Variants in HPSE2 observed in about 807,000 individuals in gnomAD.
The protein encoded by HPSE2 is heparanase 2 (inactive).
Under a neutral mutation model 60.5 loss-of-function variants are expected in HPSE2, and 38 were observed. The observed-to-expected ratio is 0.63, with a 90% CI of 0.48 to 0.82. The LOEUF is 0.82. Ranked by LOEUF, HPSE2 falls within the 40% of genes least tolerant of loss-of-function variation. The probability of loss-of-function intolerance (pLI) is 0.00; values close to 1 mark genes in which losing one functional copy is unlikely to be tolerated. For missense variants in HPSE2, 713 were observed against 740.4 expected (o/e 0.96, Z 0.43); for synonymous variants, 295 against 293.2 (o/e 1.01, Z -0.06).
At position 98,813,675 on chromosome 10, in the gene HPSE2, C is replaced by A. The variant is rs186718339; in HGVS notation, c.611-69619G>T. 2.0e-4 allele frequency among the ~76,000 whole-genome samples: 31 copies of A among 152,304 alleles called. No homozygotes were observed. In the East Asian group the frequency reaches 3.9e-3, roughly 19 times the overall value. ...AAATTACTATTTCTCCATAACTAAT[C>A]TTATTTGTTACTGTCAGCACTTAAA... On this transcript the variant is annotated intron_variant, in intron 3 of 11. Coordinates refer to ENST00000370552, the MANE Select transcript of HPSE2 (RefSeq NM_021828.5).
intron 3 of HPSE2, among the ~76,000 whole-genome samples, chr10:98,926,864 T>C (rs1954480603): frequency 6.6e-6 from 1 of 152,230 alleles, no homozygotes; most frequent in African/African-American, 2.4e-5. Context: ...CATTTCGTTA[T>C]GTACCCAGTA....
intron 9 of HPSE2, among the ~76,000 whole-genome samples, chr10:98,532,582 T>C (rs1357059377): frequency 6.6e-6 from 1 of 152,236 alleles, no homozygotes; most frequent in Non-Finnish European, 1.5e-5. Context: ...ATATTAGCTC[T>C]TGTAGCATAA....
chr10:99,298,709 T>C, the HPSE2 span, among the ~76,000 whole-genome samples: 8 of 150,530 alleles, frequency 5.3e-5, no homozygotes, highest in African/African-American at 2.0e-4. Flanking sequence ...GGAGTCTCGC[T>C]CTGTCGCCAG....
At position 98,572,103 on chromosome 10, in the gene HPSE2, G is replaced by C. The variant is rs914497373; in HGVS notation, c.1320+42801C>G. ...TTACAGGTGCCCACCACCACGCCCA[G>C]CTACTTTTTGTATTTTTAGTAGAGA... On this transcript the variant is annotated intron_variant, in intron 9 of 11. Coordinates refer to ENST00000370552, the MANE Select transcript of HPSE2 (RefSeq NM_021828.5). Among the ~76,000 whole-genome samples the C allele has an allele frequency of 6.6e-5, 10 of 152,088 alleles. No individual in the cohort carries two copies. In the South Asian group the frequency reaches 2.1e-3, roughly 32 times the overall value.
intron 3 of HPSE2, among the ~76,000 whole-genome samples, chr10:98,964,562 ACT>A (rs1293541211): frequency 6.6e-6 from 1 of 151,142 alleles, no homozygotes; most frequent in Non-Finnish European, 1.5e-5. Context: ...TAATCACTCT[ACT>A]CTCTATATTT....
At chr10:99,254,212 C>A in the HPSE2 span, among the ~76,000 whole-genome samples, 1 of 152,166 alleles carries the variant, frequency 6.6e-6, no homozygotes, top group East Asian at 1.9e-4. Flanking sequence ...TACAGATACA[C>A]CTCGGAATAC....
intron 3 of HPSE2, among the ~76,000 whole-genome samples, chr10:98,895,725 C>A (rs1953468021): frequency 6.6e-6 from 1 of 150,800 alleles, no homozygotes; most frequent in Non-Finnish European, 1.5e-5. Flanking sequence ...GAAAATGTGG[C>A]ACATATACAC....
intron 3 of HPSE2, among the ~76,000 whole-genome samples, chr10:99,092,573 A>G (rs191168983): frequency 2.0e-5 from 3 of 152,324 alleles, no homozygotes; most frequent in African/African-American, 7.2e-5. Flanking sequence ...CTACTTCAAA[A>G]TATCTGCAAG....
At chr10:98,792,374 C>A (rs1950674029) in intron 3 of HPSE2, among the ~76,000 whole-genome samples, 1 of 152,080 alleles carries the variant, frequency 6.6e-6, no homozygotes, top group South Asian at 2.1e-4. Flanking sequence ...TCTTCTCATT[C>A]AATTTCCTCA....
At chr10:99,087,450 C>T (rs868603630) in intron 3 of HPSE2, among the ~76,000 whole-genome samples, 2 of 152,176 alleles carry the variant, frequency 1.3e-5, no homozygotes, top group East Asian at 1.9e-4. Context: ...ATTCTGGGTG[C>T]GCATCTAAGG....
Position 99,202,576 on chromosome 10 carries a change from T to C in HPSE2, c.448+29772A>G, listed in dbSNP as rs539757826. On this transcript the variant is annotated intron_variant, in intron 2 of 11. Coordinates refer to ENST00000370552, the MANE Select transcript of HPSE2 (RefSeq NM_021828.5). ...TTTTATCACATGTACCCCCAAAATA[T>C]GTATATCTATTATGTATCAATTTAA... is the stretch of plus-strand genomic sequence containing the variant. Among the ~76,000 whole-genome samples, 13 of 152,262 alleles carry C rather than the reference T, an allele frequency of 8.5e-5. No homozygotes were observed. In the East Asian group the frequency reaches 2.5e-3, roughly 29 times the overall value.
intron 3 of HPSE2, among the ~76,000 whole-genome samples, chr10:98,983,944 G>A (rs1219634010): frequency 6.6e-6 from 1 of 152,224 alleles, no homozygotes; most frequent in Non-Finnish European, 1.5e-5. Context: ...CAGGCTCGGG[G>A]AGGGGCGACC....
intron 2 of HPSE2, among the ~76,000 whole-genome samples, chr10:99,228,983 T>G (rs975481723): frequency 2.0e-5 from 3 of 152,062 alleles, no homozygotes; most frequent in Non-Finnish European, 2.9e-5. Flanking sequence ...AAGACCAGCC[T>G]GGCCAACATG....
chr10:99,029,503 G>A (rs962867773), intron 3 of HPSE2, among the ~76,000 whole-genome samples: 2 of 152,206 alleles, frequency 1.3e-5, no homozygotes, highest in African/African-American at 4.8e-5. Flanking sequence ...AAAAGGGGCA[G>A]GGTAAAGAGT....
At chr10:98,976,981 A>G (rs2135285774) in intron 3 of HPSE2, among the ~76,000 whole-genome samples, 1 of 152,312 alleles carries the variant, frequency 6.6e-6, no homozygotes, top group African/African-American at 2.4e-5. Flanking sequence ...CCACAAGCCA[A>G]GGAATGCCTA....
intron 3 of HPSE2, among the ~76,000 whole-genome samples, chr10:99,106,532 G>A (rs780338786): frequency 6.6e-6 from 1 of 151,648 alleles, no homozygotes; most frequent in Non-Finnish European, 1.5e-5. Flanking sequence ...ATCCAACTGG[G>A]TCATGATATA....
chr10:99,138,829 T>A lies in HPSE2; in HGVS notation c.610+5409A>T, dbSNP rs1221436413. Among the ~76,000 whole-genome samples the A allele has an allele frequency of 2.0e-5, 3 of 152,124 alleles. No individual in the cohort carries two copies. In the East Asian group the frequency reaches 5.8e-4, roughly 29 times the overall value. On this transcript the variant is annotated intron_variant, in intron 3 of 11. Transcript: ENST00000370552. ...ATGGGTGGAGCAAGCCGCCATGGCA[T>A]GTGTATATCTATGTAACAAAACTGC...
At chr10:99,166,374 A>T (rs1847082477) in intron 2 of HPSE2, among the ~76,000 whole-genome samples, 1 of 152,230 alleles carries the variant, frequency 6.6e-6, no homozygotes, top group Admixed American at 6.5e-5. Flanking sequence ...CTTTATAGGA[A>T]ACTGTCAAAC....
intron 9 of HPSE2, among the ~76,000 whole-genome samples, chr10:98,539,434 T>C (rs979149934): frequency 6.6e-6 from 1 of 152,092 alleles, no homozygotes; most frequent in African/African-American, 2.4e-5. Flanking sequence ...GGCAGGAGAA[T>C]AGCTTGAACC....
Sources: gnomAD v4.1 joint callset for allele counts (sites outside exome capture counted in the v4.1 genomes callset) on GRCh38, gnomAD v4.1.1 for gene constraint, MANE v1.5 for transcripts, NCBI Gene and HGNC (gene_info 2026-07-23, HGNC 2026-07-21) for gene names.